The following CTDP1 variants were observed in gnomAD, a reference collection of about 807,000 sequenced individuals.
The protein encoded by CTDP1 is RNA polymerase II subunit A C-terminal domain phosphatase.
In CTDP1, 47 loss-of-function variants were observed where a neutral mutation model predicts 91.8. The observed-to-expected ratio is 0.51, with a 90% CI of 0.41 to 0.65. The LOEUF (loss-of-function observed/expected upper bound fraction) is 0.65, where lower values mean the gene tolerates loss of function less well. Among genes scored for constraint, CTDP1 ranks in the 30% least tolerant of loss-of-function variants. CTDP1 has a pLI of 0.00. For missense variants in CTDP1, 1,272 were observed against 1,373.7 expected, an observed-to-expected ratio of 0.93 and a Z score of 1.17; for synonymous variants, 656 against 598.5, an observed-to-expected ratio of 1.10 and a Z score of -1.40.
rs1390221402 is a variant in CTDP1 at position 79,718,118 on chromosome 18, G to A, written c.2417+102G>A. The stretch of plus-strand genomic sequence containing the variant: ...GCGTCAGTTGCCCGAAGTGAGGGCG[G>A]GTGGAGGCTGCAGACGGTGACTCCT... On this transcript the variant is annotated intron_variant, in intron 10 of 12. Coordinates refer to ENST00000613122, the MANE Select transcript of CTDP1 (RefSeq NM_004715.5). 7 of 1,365,804 alleles carry A rather than the reference G, an allele frequency of 5.1e-6. No homozygotes were observed. In the East Asian group the frequency reaches 1.7e-4, roughly 34 times the overall value. 84.6% of individuals were successfully genotyped at this position (1,365,804 alleles called of 1,614,324 possible). A position where few individuals can be genotyped will look rare whatever the true frequency, so the allele number is the denominator to read the frequency against.
Position 79,727,352 on chromosome 18 carries a change from A to T in CTDP1, c.2418-1555A>T, listed in dbSNP as rs186677552. Reference sequence around the variant, plus strand: ...GCACAGCGTTCGCGGTGTTCGCGGGATGGGAAGCGTGGCGTTCACGGGATG... The same window carrying T: ...GCACAGCGTTCGCGGTGTTCGCGGGTTGGGAAGCGTGGCGTTCACGGGATG... On this transcript the variant is annotated intron_variant, in intron 10 of 12. Coordinates refer to ENST00000613122, the MANE Select transcript of CTDP1 (RefSeq NM_004715.5). Among the ~76,000 whole-genome samples the T allele has an allele frequency of 2.9e-3, 436 of 152,036 alleles. 1 individual carries two copies. Among genetic ancestry groups the T allele is most frequent in the African/African-American group, 0.01 (426 of 41,460 alleles).
chr18:79,689,512 G>T (rs1339252749), intron 1 of CTDP1, among the ~76,000 whole-genome samples: 1 of 152,156 alleles, frequency 6.6e-6, no homozygotes, highest in Non-Finnish European at 1.5e-5. Flanking sequence ...AAGGCCAGGC[G>T]TAGTGGCTCA....
chr18:79,733,866 G>A (rs1393582844), intron 11 of CTDP1, among the ~76,000 whole-genome samples: 2 of 152,142 alleles, frequency 1.3e-5, no homozygotes, highest in African/African-American at 2.4e-5. Flanking sequence ...AGCATCTGCT[G>A]TTATCTGTAT....
chr18:79,747,643 G>A (rs767447183), intron 12 of CTDP1, among the ~76,000 whole-genome samples: 81 of 152,230 alleles, frequency 5.3e-4, no homozygotes, highest in Non-Finnish European at 1.0e-3. Flanking sequence ...CTCACGCCAC[G>A]TTCCACTCCA....
intron 1 of CTDP1, among the ~76,000 whole-genome samples, chr18:79,692,672 G>A (rs56208726): frequency 0.042 from 6,384 of 152,270 alleles, 410 homozygotes; most frequent in East Asian, 0.28. Context: ...GCATGGGGCA[G>A]GGGGTAGAGC....
chr18:79,720,646 G>A (rs764928440), intron 10 of CTDP1, among the ~76,000 whole-genome samples: 3 of 152,220 alleles, frequency 2.0e-5, no homozygotes, highest in East Asian at 1.9e-4. Context: ...TGGTGATGTC[G>A]TTTCAGGTCT....
At chr18:79,697,213 G>C (rs572609826) in intron 3 of CTDP1, among the ~76,000 whole-genome samples, 9 of 152,208 alleles carry the variant, frequency 5.9e-5, no homozygotes, top group Non-Finnish European at 1.2e-4. Flanking sequence ...CACGGGAGGA[G>C]GTCCCCCCTG....
intron 1 of CTDP1, among the ~76,000 whole-genome samples, chr18:79,691,246 A>G (rs1031099517): frequency 3.9e-5 from 6 of 152,146 alleles, no homozygotes; most frequent in African/African-American, 7.2e-5. Context: ...GACTCAGCTT[A>G]TAGTCAACTT....
At chr18:79,678,100 G>A (rs935574673), upstream of CTDP1, 3 of 152,340 alleles carry the variant, frequency 2.0e-5, no homozygotes, top group East Asian at 3.9e-4. Context: ...AAGTAATGGC[G>A]AGGGCTAAAA....
intron 10 of CTDP1, among the ~76,000 whole-genome samples, chr18:79,724,264 G>A (rs534334440): frequency 1.3e-5 from 2 of 152,320 alleles, no homozygotes; most frequent in Non-Finnish European, 2.9e-5. Flanking sequence ...AACACTTTTG[G>A]TCTCAAGCAT....
rs1288194047 is a variant in CTDP1, at chr18:79,739,850, T to TCGGCGCTTGCTCCCTGCCTGCAC, written c.2747+3330_2747+3331insGGCGCTTGCTCCCTGCCTGCACC. 1.9e-3 allele frequency among the ~76,000 whole-genome samples: 163 copies of TCGGCGCTTGCTCCCTGCCTGCAC among 83,688 alleles called. 11 individuals carry two copies. Among genetic ancestry groups the TCGGCGCTTGCTCCCTGCCTGCAC allele is most frequent in the South Asian group, 5.2e-3 (9 of 1,728 alleles). The allele number at this position is 83,688 out of a possible 152,430, so 54.9% of individuals were successfully genotyped here. On this transcript the variant is annotated intron_variant, in intron 12 of 12. Coordinates refer to ENST00000613122, the MANE Select transcript of CTDP1 (RefSeq NM_004715.5). ...TACCCACGGCCGGGACGGGTGGGAC[T>TCGGCGCTTGCTCCCTGCCTGCAC]CTCATACCCACGGCCGGGACGGGTG...
chr18:79,705,375 G>A (rs2085946835), intron 5 of CTDP1, among the ~76,000 whole-genome samples: 1 of 152,132 alleles, frequency 6.6e-6, no homozygotes, highest in Non-Finnish European at 1.5e-5. Flanking sequence ...CCAGGCTACG[G>A]TGCCCTCTGG....
chr18:79,733,706 C>T (rs1373155946), intron 11 of CTDP1, among the ~76,000 whole-genome samples: 1 of 152,212 alleles, frequency 6.6e-6, no homozygotes, highest in Non-Finnish European at 1.5e-5. Context: ...CCCGACCTTG[C>T]TCTGTGTCTC....
chr18:79,697,861 A>C lies in CTDP1; in HGVS notation c.494A>C (p.Gln165Pro), dbSNP rs2085779368. The change falls in exon 4 of 13, where the codon CAA (glutamine) becomes CCA (proline). Residue 165 changes from glutamine to proline, a missense_variant and splice_region_variant. Coordinates refer to ENST00000613122, the MANE Select transcript of CTDP1 (RefSeq NM_004715.5). ...SVPELMVSSE[Q>P]AEQLGREDQQ... is the part of the protein sequence containing the mutation. ...TTTCTTGTTTCTTTTTAATTGTAGC[A>C]AGCTGAACAGCTGGGAAGAGAAGAC... The C allele has an allele frequency of 6.2e-7, 1 of 1,614,070 alleles. No homozygotes were observed. Among genetic ancestry groups the C allele is most frequent in the Admixed American group, 1.7e-5 (1 of 60,000 alleles).
At position 79,715,001 on chromosome 18, in the gene CTDP1, C is replaced by G. The variant is rs1406501934; in HGVS notation, c.1541C>G (p.Pro514Arg). ...EPGRPAAPSL[P>R]GEAEPGAHAP... ...GGGCGGCCTGCAGCACCGAGTCTCC[C>G]CGGAGAGGCCGAGCCTGGCGCGCAT... The change falls in exon 8 of 13, where the codon CCC becomes CGC. Residue 514 changes from proline to arginine, a missense_variant. Physicochemically the swap from Pro to Arg is moderately radical, Grantham distance 103. Around this residue, in one of 3 missense-constraint regions of CTDP1, gnomAD observed 881 missense variants for 911.6 expected, o/e 0.97. Coordinates refer to ENST00000613122, the MANE Select transcript of CTDP1 (RefSeq NM_004715.5). 1 of 1,586,070 alleles carries G rather than the reference C, an allele frequency of 6.3e-7. No homozygotes were observed. Among genetic ancestry groups the G allele is most frequent in the African/African-American group, 1.3e-5 (1 of 74,666 alleles).
At chr18:79,705,233 T>G (rs1411405898) in intron 5 of CTDP1, among the ~76,000 whole-genome samples, 1 of 152,118 alleles carries the variant, frequency 6.6e-6, no homozygotes, top group African/African-American at 2.4e-5. Context: ...TCACAGGGAC[T>G]TTGGGCCGGG....
At chr18:79,678,413 T>G (rs1277265312), upstream of CTDP1, 1 of 152,230 alleles carries the variant, frequency 6.6e-6, no homozygotes, top group Non-Finnish European at 1.5e-5. Flanking sequence ...TGTAAACCAG[T>G]GAGAATTCCT....
intron 12 of CTDP1, among the ~76,000 whole-genome samples, chr18:79,737,587 G>A (rs538195769): frequency 2.6e-5 from 4 of 152,150 alleles, no homozygotes; most frequent in Admixed American, 6.5e-5. Flanking sequence ...CAGGTTGGTC[G>A]ATGAACAGGC....
Position 79,727,499 on chromosome 18 carries a change from G to A in CTDP1, c.2418-1408G>A, listed in dbSNP as rs145658270. 1.8e-4 allele frequency among the ~76,000 whole-genome samples: 27 copies of A among 152,202 alleles called. No homozygotes were observed. The East Asian group carries it at 4.1e-3, about 23-fold the overall frequency. The stretch of plus-strand genomic sequence containing the variant: ...GCTTTCGCGGGGTGGGAAGCGTGGC[G>A]TTTGCGGCGTTCGTGGGATGGGAAG... On this transcript the variant is annotated intron_variant, in intron 10 of 12. Transcript: ENST00000613122.
Sources: allele counts gnomAD v4.1 joint callset (sites outside exome capture counted in the v4.1 genomes callset), GRCh38; gene constraint gnomAD v4.1.1; regional missense constraint gnomAD v4.1.1; transcripts MANE v1.5; gene names NCBI Gene and HGNC (gene_info 2026-07-23, HGNC 2026-07-21).